BNIPL: variants seen among roughly 807,000 people sequenced by gnomAD.
BNIPL encodes BCL2 interacting protein like.
Under a neutral mutation model 47.0 loss-of-function variants are expected in BNIPL, and 33 were observed. That is an observed-to-expected ratio of 0.70 (90% CI 0.53 to 0.94). The LOEUF (loss-of-function observed/expected upper bound fraction) is 0.94. BNIPL is among the 40% of genes least tolerant of loss of function. The pLI is 0.00. For missense variants in BNIPL, 404 were observed against 445.2 expected (o/e 0.91, Z 0.83); for synonymous variants, 145 against 162.7 (o/e 0.89, Z 0.83).
chr1:151,038,191 A>G (rs1228090976), intron 2 of BNIPL, among the ~76,000 whole-genome samples: 1 of 151,754 alleles, frequency 6.6e-6, no homozygotes, highest in Non-Finnish European at 1.5e-5. Context: ...TCTGGGCAAC[A>G]TGGCATAACC....
At chr1:151,045,499 C>G in intron 7 of BNIPL, 1 of 253,532 alleles carries the variant, frequency 3.9e-6, no homozygotes. Flanking sequence ...GCAGAGCTTA[C>G]AGGGAGCTGA....
Position 151,043,115 on chromosome 1 carries a change from A to G in BNIPL, c.593A>G (p.Tyr198Cys). ...QRVDMTVIEPYKKVLSHGGYH... is the reference protein window; with the variant it reads ...QRVDMTVIEPCKKVLSHGGYH... Reference sequence around the variant, plus strand: ...GTAGACATGACTGTCATTGAGCCCTATAAGAAAGTCCTGTCTCATGGAGGT... The same window carrying G: ...GTAGACATGACTGTCATTGAGCCCTGTAAGAAAGTCCTGTCTCATGGAGGT... Residue 198 changes from tyrosine (Y) to cysteine (C), a missense_variant, in exon 5 of 10, where the codon TAT (tyrosine) becomes TGT (cysteine). Coordinates refer to ENST00000368931, the MANE Select transcript of BNIPL (RefSeq NM_138278.4). The G allele has an allele frequency of 3.7e-6, 6 of 1,613,430 alleles. No homozygotes were observed. The highest frequency in any genetic ancestry group is 5.1e-6 in the Non-Finnish European group (6 of 1,179,728).
At chr1:151,038,708 A>G in intron 3 of BNIPL, 88 bp from the exon 4 acceptor site, 3 of 1,554,972 alleles carry the variant, frequency 1.9e-6, no homozygotes, top group South Asian at 2.4e-5. Flanking sequence ...TTCACCCCAT[A>G]TTATCACTTT....
At chr1:151,039,157 C>T (rs1426183744) in intron 4 of BNIPL, 131 bp downstream of exon 4, 4 of 1,305,248 alleles carry the variant, frequency 3.1e-6, no homozygotes, top group Admixed American at 3.5e-5. Context: ...AAATTAGTTT[C>T]CTCAAATGGA....
At position 151,043,594 on chromosome 1, in the gene BNIPL, AGGTATAT is replaced by A. The variant is rs1293923924; in HGVS notation, c.722_728del (p.Tyr241TrpfsTer7). On this transcript the variant is annotated splice_acceptor_variant and coding_sequence_variant, in exon 7 of 10. Transcript: ENST00000368931. LOFTEE classifies it high-confidence loss of function. Reference sequence around the variant, plus strand: ...ACCTTCCCTGCAATTTCATCCCCCCAGGTATATGGTGGGAACTCTGGAGCTGCTAGTA... The same window carrying A: ...ACCTTCCCTGCAATTTCATCCCCCCAGGTGGGAACTCTGGAGCTGCTAGTA... The A allele has an allele frequency of 6.2e-7, 1 of 1,609,812 alleles. No individual in the cohort carries two copies. Among genetic ancestry groups the A allele is most frequent in the African/African-American group, 1.3e-5 (1 of 74,774 alleles).
chr1:151,039,808 TG>T (rs1173344492), intron 4 of BNIPL, among the ~76,000 whole-genome samples: 5 of 151,966 alleles, frequency 3.3e-5, no homozygotes, highest in Non-Finnish European at 7.4e-5. Context: ...TAGAGTAGAG[TG>T]GTGTGATATA....
intron 6 of BNIPL, 76 bp from the exon 7 acceptor site, chr1:151,043,520 G>C: frequency 1.9e-6 from 3 of 1,552,534 alleles, no homozygotes; most frequent in Admixed American, 1.7e-5. Context: ...GTAGCTGATG[G>C]GAGAGTCTAC....
intron 7 of BNIPL, among the ~76,000 whole-genome samples, 181 bp downstream of exon 7, chr1:151,043,908 T>C (rs1675920604): frequency 6.6e-6 from 1 of 152,218 alleles, no homozygotes; most frequent in Non-Finnish European, 1.5e-5. Context: ...AATCCTGCTG[T>C]TACCACATTA....
At chr1:151,038,097 G>A (rs587598523) in intron 2 of BNIPL, among the ~76,000 whole-genome samples, 8 of 147,472 alleles carry the variant, frequency 5.4e-5, no homozygotes, top group South Asian at 2.2e-4. Context: ...AACAGAGGCC[G>A]GGCGTGGTGG....
chr1:151,041,870 G>T (rs1046317728), intron 4 of BNIPL, among the ~76,000 whole-genome samples: 2 of 152,092 alleles, frequency 1.3e-5, no homozygotes, highest in Non-Finnish European at 2.9e-5. Flanking sequence ...AGCTACTCGG[G>T]AGGCTGAGGC....
intron 4 of BNIPL, among the ~76,000 whole-genome samples, chr1:151,041,336 A>AGTG (rs1387541234): frequency 6.6e-6 from 1 of 152,246 alleles, no homozygotes; most frequent in African/African-American, 2.4e-5. Context: ...GGATAGCAGT[A>AGTG]GTGGAAAGGA....
At chr1:151,037,526 A>G (rs1385492166) in intron 1 of BNIPL, 41 bp from the exon 2 acceptor site, 8 of 1,562,504 alleles carry the variant, frequency 5.1e-6, no homozygotes, top group Non-Finnish European at 2.6e-6. Flanking sequence ...CTTACCTACT[A>G]TTCAGTTCCC....
At chr1:151,037,307 C>G in intron 1 of BNIPL, 2 of 1,146,800 alleles carry the variant, frequency 1.7e-6, no homozygotes, top group South Asian at 4.5e-5. Context: ...CTCACCCCAA[C>G]TTTGTAGGTG....
At chr1:151,037,893 G>A (rs587597476) in intron 2 of BNIPL, among the ~76,000 whole-genome samples, 4 of 151,038 alleles carry the variant, frequency 2.6e-5, no homozygotes, top group East Asian at 1.9e-4. Context: ...CCAGCTACTC[G>A]GGAGGCTGAG....
intron 7 of BNIPL, among the ~76,000 whole-genome samples, chr1:151,044,213 G>A (rs1405378999): frequency 6.6e-6 from 1 of 152,128 alleles, no homozygotes; most frequent in Non-Finnish European, 1.5e-5. Context: ...TCAAACTCCT[G>A]AGCTCAAGTG....
At chr1:151,042,142 G>A in intron 4 of BNIPL, among the ~76,000 whole-genome samples, 1 of 151,872 alleles carries the variant, frequency 6.6e-6, no homozygotes, top group East Asian at 1.9e-4. Context: ...GAGTGCAGTG[G>A]TATGATCATA....
At chr1:151,036,878 G>A in intron 1 of BNIPL, 112 bp downstream of exon 1, 2 of 1,073,204 alleles carry the variant, frequency 1.9e-6, no homozygotes, top group Non-Finnish European at 2.9e-6. Flanking sequence ...AAGGAGACAA[G>A]ACTGTAAGAG....
At chr1:151,038,341 T>C in intron 2 of BNIPL, 163 bp from the exon 3 acceptor site, 1 of 626,604 alleles carries the variant, frequency 1.6e-6, no homozygotes. Flanking sequence ...GCCACTGCAT[T>C]CCAGCCTGGG....
At chr1:151,036,886 G>A in intron 1 of BNIPL, 120 bp downstream of exon 1, 3 of 1,021,934 alleles carry the variant, frequency 2.9e-6, no homozygotes, top group Non-Finnish European at 4.6e-6. Context: ...AAGACTGTAA[G>A]AGAGTTTGCA....
Sources: gnomAD v4.1 joint callset for allele counts (sites outside exome capture counted in the v4.1 genomes callset) on GRCh38, gnomAD v4.1.1 for gene constraint, MANE v1.5 for transcripts, NCBI Gene and HGNC (gene_info 2026-07-23, HGNC 2026-07-21) for gene names.